The following ERN1 variants were observed in gnomAD, a reference collection of about 807,000 sequenced individuals.
The protein encoded by ERN1 is endoplasmic reticulum to nucleus signaling 1.
In ERN1, 39 loss-of-function variants were observed where a neutral mutation model predicts 113.1. The observed-to-expected ratio is 0.34, with a 90% confidence interval of 0.27 to 0.45. The LOEUF is 0.45. Ranked by LOEUF, ERN1 falls within the 20% of genes least tolerant of loss-of-function variation. ERN1 has a pLI of 1.00. For synonymous variants in ERN1, 507 were observed against 515.9 expected (o/e 0.98, Z 0.23); for missense variants, 976 against 1,274.8 (o/e 0.77, Z 3.57).
rs760752335 is a variant in ERN1, at chr17:64,128,161, ATTTTTTTTT to A, written c.54+1806_54+1814del. 1.7e-3 allele frequency among the ~76,000 whole-genome samples: 219 copies of A among 126,386 alleles called. 3 individuals carry two copies. Among genetic ancestry groups the A allele is most frequent in the South Asian group, 0.015 (61 of 4,136 alleles). The allele number at this position is 126,386 out of a possible 152,430, so 82.9% of individuals were successfully genotyped here. The stretch of plus-strand genomic sequence containing the variant: ...AGGCCTGCGCTACCACGCCCGGCTA[ATTTTTTTTT>A]TTTTTTTTTTTTGTATGTTTAGTAG... On this transcript the variant is annotated intron_variant, in intron 1 of 21. Transcript: ENST00000433197.
chr17:64,088,914 A>G (rs1232956308), intron 2 of ERN1, among the ~76,000 whole-genome samples: 2 of 152,306 alleles, frequency 1.3e-5, no homozygotes, highest in East Asian at 3.9e-4. Context: ...CTCCTGAGGA[A>G]CAACACAAAT....
At chr17:64,083,046 A>G (rs73992915) in intron 2 of ERN1, among the ~76,000 whole-genome samples, 6,565 of 152,264 alleles carry the variant, frequency 0.043, 464 homozygotes, top group African/African-American at 0.15. Context: ...AAATGTAACA[A>G]TGACCTAATT....
At chr17:64,070,375 A>C (rs1430109020) in intron 6 of ERN1, among the ~76,000 whole-genome samples, 1 of 152,216 alleles carries the variant, frequency 6.6e-6, no homozygotes, top group Non-Finnish European at 1.5e-5. Context: ...ACACCTATGC[A>C]CACACATTCC....
At chr17:64,105,134 T>C (rs1033155366) in intron 1 of ERN1, among the ~76,000 whole-genome samples, 1 of 152,200 alleles carries the variant, frequency 6.6e-6, no homozygotes, top group Non-Finnish European at 1.5e-5. Context: ...TCTTCTTTTT[T>C]CCTGAGATGA....
intron 2 of ERN1, among the ~76,000 whole-genome samples, chr17:64,089,428 C>T (rs185256519): frequency 7.9e-5 from 12 of 151,420 alleles, no homozygotes; most frequent in East Asian, 3.9e-4. Flanking sequence ...TGAGCGCCAA[C>T]GTGATGTGCA....
intron 2 of ERN1, among the ~76,000 whole-genome samples, chr17:64,091,205 C>T (rs565646914): frequency 6.6e-6 from 1 of 152,208 alleles, no homozygotes; most frequent in Non-Finnish European, 1.5e-5. Flanking sequence ...CCAACTCTTC[C>T]AGAGTCCCAC....
At chr17:64,073,332 CA>C (rs199781589) in intron 5 of ERN1, among the ~76,000 whole-genome samples, 4 of 64,090 alleles carry the variant, frequency 6.2e-5, no homozygotes, top group African/African-American at 6.7e-5. Flanking sequence ...CCACACCCAG[CA>C]AATTTTTTTT....
At chr17:64,111,171 G>A (rs1598086576) in intron 1 of ERN1, among the ~76,000 whole-genome samples, 1 of 152,164 alleles carries the variant, frequency 6.6e-6, no homozygotes, top group African/African-American at 2.4e-5. Context: ...TTTTTACATT[G>A]ACATATAAAA....
chr17:64,111,196 T>A (rs940506182), intron 1 of ERN1, among the ~76,000 whole-genome samples: 12 of 152,216 alleles, frequency 7.9e-5, no homozygotes, highest in Admixed American at 7.9e-4. Context: ...TATATACTTA[T>A]GGTATACAAC....
intron 16 of ERN1, 108 bp from the exon 17 acceptor site, chr17:64,053,087 C>G: frequency 1.0e-6 from 1 of 995,244 alleles, no homozygotes; most frequent in East Asian, 2.6e-5. Context: ...CCGCCACCTC[C>G]AAATGTTCTG....
chr17:64,126,450 T>C (rs1915083258), intron 1 of ERN1, among the ~76,000 whole-genome samples: 1 of 152,142 alleles, frequency 6.6e-6, no homozygotes, highest in South Asian at 2.1e-4. Flanking sequence ...CCTATGCAAG[T>C]GACACTATTC....
At chr17:64,118,007 T>C (rs1436365439) in intron 1 of ERN1, among the ~76,000 whole-genome samples, 1 of 152,102 alleles carries the variant, frequency 6.6e-6, no homozygotes, top group Non-Finnish European at 1.5e-5. Context: ...GATGAACAGA[T>C]GAAATTCACT....
At chr17:64,128,811 A>G (rs1915151404) in intron 1 of ERN1, 1 of 152,156 alleles carries the variant, frequency 6.6e-6, no homozygotes, top group Non-Finnish European at 1.5e-5. Flanking sequence ...GAATTTGAAA[A>G]AGGCAACCTT....
intron 11 of ERN1, among the ~76,000 whole-genome samples, chr17:64,059,753 G>A (rs1912992402): frequency 6.6e-6 from 1 of 152,006 alleles, no homozygotes; most frequent in Non-Finnish European, 1.5e-5. Flanking sequence ...TTTAGGCCAA[G>A]GTGTGCTAAG....
intron 10 of ERN1, among the ~76,000 whole-genome samples, chr17:64,062,926 C>T (rs751540770): frequency 2.0e-5 from 3 of 152,192 alleles, no homozygotes; most frequent in Non-Finnish European, 2.9e-5. Context: ...ATAAAGGAAG[C>T]GAGCAGGGCT....
chr17:64,097,274 G>T (rs2143451720), intron 2 of ERN1, among the ~76,000 whole-genome samples: 1 of 152,282 alleles, frequency 6.6e-6, no homozygotes, highest in East Asian at 1.9e-4. Flanking sequence ...GACAATGTGT[G>T]ACCTTCTGAC....
intron 11 of ERN1, 144 bp downstream of exon 11, chr17:64,060,325 T>G: frequency 1.6e-6 from 1 of 629,760 alleles, no homozygotes; most frequent in Non-Finnish European, 2.9e-6. Flanking sequence ...CCCTTAACCA[T>G]TTATGTTTTT....
intron 8 of ERN1, among the ~76,000 whole-genome samples, chr17:64,065,596 G>A (rs1299303028): frequency 6.6e-6 from 1 of 152,098 alleles, no homozygotes; most frequent in Non-Finnish European, 1.5e-5. Flanking sequence ...TGGCCACAGA[G>A]GAGACTGAGT....
chr17:64,086,304 A>G lies in ERN1; in HGVS notation c.176-5496T>C, dbSNP rs1407269423. Among the ~76,000 whole-genome samples, 3 of 152,202 alleles carry G rather than the reference A, an allele frequency of 2.0e-5. No homozygotes were observed. In the East Asian group the frequency reaches 5.8e-4, roughly 29 times the overall value. On this transcript the variant is annotated intron_variant, in intron 2 of 21. Coordinates refer to ENST00000433197, the MANE Select transcript of ERN1 (RefSeq NM_001433.5). ...ACATCCCTTTGGATTCAGTATTTCCAAATCTTGCTCCAGATAAGTACCAGT... is the reference window on the plus strand; with the variant it reads ...ACATCCCTTTGGATTCAGTATTTCCGAATCTTGCTCCAGATAAGTACCAGT...
Sources: allele counts gnomAD v4.1 joint callset (sites outside exome capture counted in the v4.1 genomes callset), GRCh38; gene constraint gnomAD v4.1.1; transcripts MANE v1.5; gene names NCBI Gene and HGNC (gene_info 2026-07-23, HGNC 2026-07-21).